The following CATSPER3 variants were observed in gnomAD, a reference collection of about 807,000 sequenced individuals.
CATSPER3 encodes cation channel sperm associated 3.
In CATSPER3, 23 loss-of-function variants were observed where a neutral mutation model predicts 36.6. The ratio of observed to expected loss-of-function variants is 0.63; its 90% CI spans 0.45 to 0.89. The LOEUF is 0.89. CATSPER3 is among the 40% of genes least tolerant of loss of function. CATSPER3 has a pLI of 0.00. For missense variants in CATSPER3, 474 were observed against 503.9 expected (o/e 0.94, Z 0.57); for synonymous variants, 172 against 184.1 (o/e 0.93, Z 0.53).
In CATSPER3 at chr5:135,009,478, G is replaced by A; in HGVS notation, c.924G>A (p.Leu308=). 6.2e-7 allele frequency: 1 copy of A among 1,613,308 alleles called. No individual in the cohort carries two copies. The highest frequency in any genetic ancestry group is 2.2e-5 in the East Asian group (1 of 44,878). The change falls in exon 6 of 8, where the codon CTG becomes CTA. Residue 308 remains leucine, a synonymous_variant. Transcript: ENST00000282611. Reference sequence around the variant, plus strand: ...GGCAGCAGGAGGAGATCAGCAGGCTGATGCACATACAGGTGAGTGGCCCCT... The same window carrying A: ...GGCAGCAGGAGGAGATCAGCAGGCTAATGCACATACAGGTGAGTGGCCCCT... The part of the protein sequence containing the change: ...LQRQQEEISR[L]MHIQKNADCT...
At chr5:134,970,693 G>A (rs1444814821) in intron 2 of CATSPER3, among the ~76,000 whole-genome samples, 5 of 147,898 alleles carry the variant, frequency 3.4e-5, no homozygotes, top group African/African-American at 1.0e-4. Flanking sequence ...TGCCTCAGCC[G>A]ACTGAGTAGC....
chr5:134,969,699 T>C, intron 1 of CATSPER3: 1 of 529,288 alleles, frequency 1.9e-6, no homozygotes, highest in East Asian at 3.4e-5. Flanking sequence ...GTGGTGACCA[T>C]TCTTTTTCAG....
Position 134,998,572 on chromosome 5 carries a change from C to T in CATSPER3, c.492+2060C>T, listed in dbSNP as rs543927580. ...GTGTTCCTATTTCTCCACATCCTCT[C>T]CAGCACCTGTTGTTTCCTGACTTTT... On this transcript the variant is annotated intron_variant, in intron 3 of 7. Coordinates refer to ENST00000282611, the MANE Select transcript of CATSPER3 (RefSeq NM_178019.3). Among the ~76,000 whole-genome samples the T allele has an allele frequency of 9.9e-5, 15 of 152,242 alleles. 1 individual carries two copies. The highest frequency in any genetic ancestry group is 1.8e-4 in the Non-Finnish European group (12 of 68,048).
intron 3 of CATSPER3, among the ~76,000 whole-genome samples, chr5:134,998,541 G>A: frequency 6.6e-6 from 1 of 152,214 alleles, no homozygotes; most frequent in East Asian, 1.9e-4. Context: ...CACCAACAGT[G>A]TAAAAGTGTT....
chr5:134,974,057 G>A (rs2149545425), intron 2 of CATSPER3, among the ~76,000 whole-genome samples: 1 of 152,292 alleles, frequency 6.6e-6, no homozygotes, highest in South Asian at 2.1e-4. Context: ...AATGCCCAAA[G>A]AAGTTATTGA....
In CATSPER3 at chr5:135,008,880, C is replaced by A; in HGVS notation, c.715C>A (p.Arg239=). The A allele has an allele frequency of 2.5e-6, 4 of 1,614,102 alleles. No homozygotes were observed. The highest frequency in any genetic ancestry group is 2.2e-5 in the East Asian group (1 of 44,890). Residue 239 remains arginine, a synonymous_variant, in exon 5 of 8, where the codon CGG becomes AGG. Transcript: ENST00000282611. ...WTDLQKQLDN[R]EFALSRAFTI... ...AGACCTGCAGAAGCAGTTGGACAAT[C>A]GGGAATTTGCTTTGAGCCGGGCATT...
chr5:134,978,704 G>A (rs1751712102), intron 2 of CATSPER3, among the ~76,000 whole-genome samples: 1 of 151,400 alleles, frequency 6.6e-6, no homozygotes, highest in African/African-American at 2.4e-5. Context: ...TAAAAGTTAG[G>A]AAAGTTTTGT....
chr5:134,999,107 G>A (rs1267995705), intron 3 of CATSPER3, among the ~76,000 whole-genome samples: 3 of 152,064 alleles, frequency 2.0e-5, no homozygotes, highest in Non-Finnish European at 4.4e-5. Context: ...GTAAGGAAGG[G>A]ATCCAGTTTC....
At chr5:134,984,070 AACTGGTTAGCCACATGTAGAAGAATG>A (rs1258876001) in intron 2 of CATSPER3, among the ~76,000 whole-genome samples, 1 of 152,210 alleles carries the variant, frequency 6.6e-6, no homozygotes, top group African/African-American at 2.4e-5. Context: ...GTGTGGGGAG[AACTGGTTAGCCACATGTAGAAGAATG>A]AAACTGGATC....
chr5:134,985,335 C>T (rs1409009657), intron 2 of CATSPER3, among the ~76,000 whole-genome samples: 1 of 152,098 alleles, frequency 6.6e-6, no homozygotes, highest in South Asian at 2.1e-4. Context: ...ATTCAAAAAC[C>T]AAATACTGCA....
At chr5:135,003,668 C>T (rs975918063) in intron 3 of CATSPER3, among the ~76,000 whole-genome samples, 3 of 152,266 alleles carry the variant, frequency 2.0e-5, no homozygotes, top group Non-Finnish European at 2.9e-5. Flanking sequence ...GCCCATCCCG[C>T]AGCCTCGCTG....
chr5:134,973,393 T>C (rs1751631265), intron 2 of CATSPER3, among the ~76,000 whole-genome samples: 1 of 152,224 alleles, frequency 6.6e-6, no homozygotes, highest in African/African-American at 2.4e-5. Context: ...GTAGTGTTAT[T>C]CTGAGACTTG....
At chr5:134,990,808 A>T (rs1181950334) in intron 2 of CATSPER3, among the ~76,000 whole-genome samples, 3 of 152,248 alleles carry the variant, frequency 2.0e-5, no homozygotes, top group Non-Finnish European at 4.4e-5. Context: ...GGATGCCTGT[A>T]TCTCTATTTG....
intron 2 of CATSPER3, among the ~76,000 whole-genome samples, chr5:134,982,514 A>G (rs897492186): frequency 6.6e-6 from 1 of 152,202 alleles, no homozygotes; most frequent in African/African-American, 2.4e-5. Context: ...ATCCTCAGAA[A>G]CTATGGAGGC....
intron 3 of CATSPER3, among the ~76,000 whole-genome samples, chr5:135,005,394 A>G (rs1325593055): frequency 6.6e-6 from 1 of 152,188 alleles, no homozygotes; most frequent in Admixed American, 6.5e-5. Flanking sequence ...CTTGCATCCT[A>G]GAGTGATTCC....
At position 135,008,836 on chromosome 5, in the gene CATSPER3, A is replaced by AGCAGGTTGATGGCTGGACAGACCT; in HGVS notation, c.676_699dup. On this transcript the variant is annotated splice_polypyrimidine_tract_variant and splice_region_variant and intron_variant, in intron 4 of 7. Transcript: ENST00000282611. ...CCCTCAGCATACTCTTCCCTGCCTGAGCAGGTTGATGGCTGGACAGACCTG... is the reference window on the plus strand; with the variant it reads ...CCCTCAGCATACTCTTCCCTGCCTGAGCAGGTTGATGGCTGGACAGACCTGCAGGTTGATGGCTGGACAGACCTG... The AGCAGGTTGATGGCTGGACAGACCT allele has an allele frequency of 6.2e-7, 1 of 1,613,978 alleles. No individual in the cohort carries two copies. The highest frequency in any genetic ancestry group is 8.5e-7 in the Non-Finnish European group (1 of 1,179,892).
intron 2 of CATSPER3, among the ~76,000 whole-genome samples, chr5:134,983,315 T>A (rs1042260784): frequency 6.6e-6 from 1 of 152,136 alleles, no homozygotes; most frequent in Non-Finnish European, 1.5e-5. Context: ...CACTTTAGAT[T>A]CAAAGGTACA....
At chr5:134,997,426 C>T (rs1751963901) in intron 3 of CATSPER3, among the ~76,000 whole-genome samples, 1 of 152,212 alleles carries the variant, frequency 6.6e-6, no homozygotes, top group Non-Finnish European at 1.5e-5. Context: ...CCTCCCTCTC[C>T]TTCTCTTCAT....
At chr5:135,008,765 C>T (rs1473165655) in intron 4 of CATSPER3, 76 bp from the exon 5 acceptor site, 4 of 1,338,956 alleles carry the variant, frequency 3.0e-6, no homozygotes, top group African/African-American at 1.4e-5. Context: ...GGGCCTGGGA[C>T]TCCTCTAGCA....
Sources: allele counts gnomAD v4.1 joint callset (sites outside exome capture counted in the v4.1 genomes callset), GRCh38; gene constraint gnomAD v4.1.1; transcripts MANE v1.5; gene names NCBI Gene and HGNC (gene_info 2026-07-23, HGNC 2026-07-21).